KIAA1549L: variants seen among roughly 807,000 people sequenced by gnomAD.
KIAA1549L encodes the protein UPF0606 protein KIAA1549L.
A neutral mutation model predicts 160.7 loss-of-function variants in KIAA1549L; 88 were observed. The ratio of observed to expected loss-of-function variants is 0.55; its 90% CI spans 0.46 to 0.65. The LOEUF is 0.65. Ranked by LOEUF, KIAA1549L falls within the 30% of genes least tolerant of loss-of-function variation. The pLI, the probability that KIAA1549L is intolerant of heterozygous loss-of-function variation, is 0.00. For missense variants in KIAA1549L, 2,258 were observed against 2,437.5 expected (o/e 0.93, Z 1.55); for synonymous variants, 950 against 976.7 (o/e 0.97, Z 0.51).
At chr11:33,649,172 G>A (rs4755795) in intron 17 of KIAA1549L, among the ~76,000 whole-genome samples, 47,361 of 151,680 alleles carry the variant, frequency 0.31, 7,610 homozygotes, top group East Asian at 0.6. Context: ...TCCAGGCTCT[G>A]ATGAGAACTT....
chr11:33,408,045 A>C (rs1393238951), intron 1 of KIAA1549L, among the ~76,000 whole-genome samples: 1 of 152,130 alleles, frequency 6.6e-6, no homozygotes, highest in African/African-American at 2.4e-5. Flanking sequence ...TTCCTTCTCA[A>C]GGGGTGTTAA....
At chr11:33,661,145 A>G in intron 20 of KIAA1549L, 131 bp downstream of exon 20, 1 of 933,724 alleles carries the variant, frequency 1.1e-6, no homozygotes, top group Non-Finnish European at 1.6e-6. Context: ...GACTAAAGTC[A>G]GCCATTTTAA....
intron 1 of KIAA1549L, among the ~76,000 whole-genome samples, chr11:33,449,440 T>C (rs1183030230): frequency 6.6e-6 from 1 of 152,168 alleles, no homozygotes; most frequent in Non-Finnish European, 1.5e-5. Context: ...AATGAGACTA[T>C]TGAGGTCATC....
chr11:33,446,042 T>A (rs1851604229), intron 1 of KIAA1549L, among the ~76,000 whole-genome samples: 1 of 152,026 alleles, frequency 6.6e-6, no homozygotes, highest in African/African-American at 2.4e-5. Context: ...TTGCAGTGTG[T>A]CAGACACTGC....
chr11:33,552,737 A>G (rs1489671679), intron 6 of KIAA1549L, among the ~76,000 whole-genome samples: 1 of 151,750 alleles, frequency 6.6e-6, no homozygotes, highest in Non-Finnish European at 1.5e-5. Flanking sequence ...ACTATGTGCC[A>G]GGAACTGTGC....
At chr11:33,555,845 A>C (rs1854628849) in intron 6 of KIAA1549L, among the ~76,000 whole-genome samples, 1 of 152,376 alleles carries the variant, frequency 6.6e-6, no homozygotes, top group Non-Finnish European at 1.5e-5. Flanking sequence ...GCATCAAAAA[A>C]CACTACCAGC....
At chr11:33,658,093 A>G (rs1033426433) in intron 18 of KIAA1549L, among the ~76,000 whole-genome samples, 3 of 152,250 alleles carry the variant, frequency 2.0e-5, no homozygotes, top group Admixed American at 2.0e-4. Flanking sequence ...GCCCACGTCT[A>G]CAGAGCCTAG....
rs1229061399 is a variant in KIAA1549L, at chr11:33,530,425, AAAAAAAAAAAAATATATATATATAT to A, written c.239-11375_239-11351del. Among the ~76,000 whole-genome samples, 96 of 39,546 alleles carry A rather than the reference AAAAAAAAAAAAATATATATATATAT, an allele frequency of 2.4e-3. 7 individuals are homozygous for A. Among genetic ancestry groups the A allele is most frequent in the South Asian group, 4.7e-3 (6 of 1,280 alleles). The allele number at this position is 39,546 out of a possible 152,430, so 25.9% of individuals were successfully genotyped here. On this transcript the variant is annotated intron_variant, in intron 1 of 20. Transcript: ENST00000658780. The stretch of plus-strand genomic sequence containing the variant: ...TAAAGAAGAAGAAGGAAAAAAAAAA[AAAAAAAAAAAAATATATATATATAT>A]ATATATATATATATATATATATATA...
At chr11:33,512,407 G>T (rs1381630707) in intron 1 of KIAA1549L, among the ~76,000 whole-genome samples, 2 of 152,148 alleles carry the variant, frequency 1.3e-5, no homozygotes, top group Admixed American at 6.5e-5. Context: ...TTAAAAAATG[G>T]TTACCATGTT....
At chr11:33,528,789 C>T (rs1853671853) in intron 1 of KIAA1549L, among the ~76,000 whole-genome samples, 1 of 152,088 alleles carries the variant, frequency 6.6e-6, no homozygotes, top group Non-Finnish European at 1.5e-5. Flanking sequence ...AATGCAAAGG[C>T]AGAAGAATGA....
At chr11:33,564,190 T>C (rs942150199) in intron 8 of KIAA1549L, among the ~76,000 whole-genome samples, 5 of 152,154 alleles carry the variant, frequency 3.3e-5, no homozygotes, top group African/African-American at 1.2e-4. Context: ...GTGACCACCT[T>C]CTGAACCCCT....
chr11:33,592,098 A>G (rs61888321), intron 12 of KIAA1549L, among the ~76,000 whole-genome samples: 58 of 152,316 alleles, frequency 3.8e-4, no homozygotes, highest in Non-Finnish European at 7.5e-4. Context: ...ATCCAGTCTA[A>G]AAAGAGTGGG....
intron 1 of KIAA1549L, among the ~76,000 whole-genome samples, chr11:33,474,723 AAGAGTACTGCAT>A: frequency 6.6e-6 from 1 of 152,194 alleles, no homozygotes; most frequent in South Asian, 2.1e-4. Flanking sequence ...GGCATCAGCA[AAGAGTACTGCAT>A]AGAAACTGGC....
intron 11 of KIAA1549L, among the ~76,000 whole-genome samples, chr11:33,585,538 A>T (rs1206862761): frequency 6.6e-6 from 1 of 152,150 alleles, no homozygotes; most frequent in Non-Finnish European, 1.5e-5. Context: ...AAAAATAAAA[A>T]ATAAAAAGAG....
chr11:33,661,108 A>G (rs1256805571), intron 20 of KIAA1549L, 94 bp downstream of exon 20: 7 of 1,253,698 alleles, frequency 5.6e-6, no homozygotes, highest in Non-Finnish European at 7.7e-6. Context: ...AGGTTTTGTT[A>G]TCTCAGCCTC....
intron 7 of KIAA1549L, among the ~76,000 whole-genome samples, chr11:33,560,517 AGGTCCCCGTAGTCTTGT>A (rs1854818526): frequency 6.6e-6 from 1 of 152,228 alleles, no homozygotes; most frequent in Admixed American, 6.5e-5. Flanking sequence ...TCACTTGCTG[AGGTCCCCGTAGTCTTGT>A]GGCCTCATCT....
At chr11:33,498,485 G>A (rs943133035) in intron 1 of KIAA1549L, among the ~76,000 whole-genome samples, 2 of 152,184 alleles carry the variant, frequency 1.3e-5, no homozygotes, top group Non-Finnish European at 2.9e-5. Context: ...GGCTTAAACA[G>A]TGAGGACCAA....
chr11:33,514,549 T>C (rs1240173091), intron 1 of KIAA1549L, among the ~76,000 whole-genome samples: 2 of 152,252 alleles, frequency 1.3e-5, no homozygotes, highest in Admixed American at 6.5e-5. Flanking sequence ...ATCATTTTGC[T>C]CTCATACAAA....
In KIAA1549L at chr11:33,570,003, TC is replaced by T. The variant is rs777884031; in HGVS notation, c.4230+1777del. Reference sequence around the variant, plus strand: ...GAGGTGTTCTTTCTCTCTCTCTCTCTCTCTTTTTTTTTTTTTTTGAGACGGA... The same window carrying T: ...GAGGTGTTCTTTCTCTCTCTCTCTCTTCTTTTTTTTTTTTTTTGAGACGGA... On this transcript the variant is annotated intron_variant, in intron 9 of 20. Coordinates refer to ENST00000658780, the MANE Select transcript of KIAA1549L (RefSeq NM_012194.3). Among the ~76,000 whole-genome samples, 75 of 55,818 alleles carry T rather than the reference TC, an allele frequency of 1.3e-3. No homozygotes were observed. In the South Asian group the frequency reaches 0.019, roughly 14 times the overall value. 36.6% of individuals were successfully genotyped at this position (55,818 alleles called of 152,430 possible). A position where few individuals can be genotyped will look rare whatever the true frequency, so the allele number is the denominator to read the frequency against.
Sources: allele counts gnomAD v4.1 joint callset (sites outside exome capture counted in the v4.1 genomes callset), GRCh38; gene constraint gnomAD v4.1.1; transcripts MANE v1.5; gene names NCBI Gene and HGNC (gene_info 2026-07-23, HGNC 2026-07-21).